OPCML: variants seen among roughly 807,000 people sequenced by gnomAD.
OPCML encodes the protein opioid binding protein/cell adhesion molecule like.
A neutral mutation model predicts 37.8 loss-of-function variants in OPCML; 13 were observed. That is an observed-to-expected ratio of 0.34 (90% confidence interval 0.22 to 0.55). The LOEUF (loss-of-function observed/expected upper bound fraction) is 0.55. Among genes scored for constraint, OPCML ranks in the 20% least tolerant of loss-of-function variants. The probability of loss-of-function intolerance (pLI) is 0.91; values close to 1 mark genes in which losing one functional copy is unlikely to be tolerated. For missense variants in OPCML, 341 were observed against 435.6 expected, an observed-to-expected ratio of 0.78 and a Z score of 1.93; for synonymous variants, 176 against 168.8, an observed-to-expected ratio of 1.04 and a Z score of -0.33.
At chr11:133,510,475 G>A (rs1948131358) in intron 1 of OPCML, among the ~76,000 whole-genome samples, 1 of 152,208 alleles carries the variant, frequency 6.6e-6, no homozygotes, top group Non-Finnish European at 1.5e-5. Flanking sequence ...TCCTTATGAT[G>A]CAAATCGTTT....
At chr11:132,596,787 G>A (rs981239277) in intron 3 of OPCML, among the ~76,000 whole-genome samples, 2 of 152,188 alleles carry the variant, frequency 1.3e-5, no homozygotes, top group African/African-American at 2.4e-5. Context: ...GGTTGAAAAA[G>A]TAGAGCAAAA....
chr11:133,470,841 T>A (rs918865965), intron 1 of OPCML, among the ~76,000 whole-genome samples: 1 of 152,230 alleles, frequency 6.6e-6, no homozygotes, highest in Non-Finnish European at 1.5e-5. Flanking sequence ...TTTCCAGAGA[T>A]GCTTAAGAAG....
chr11:132,681,365 G>A (rs1205297033), intron 2 of OPCML, among the ~76,000 whole-genome samples: 1 of 152,202 alleles, frequency 6.6e-6, no homozygotes, highest in Non-Finnish European at 1.5e-5. Flanking sequence ...GAGCAGAGAA[G>A]GGGAGAAGAG....
At chr11:132,665,797 GAAATAA>G (rs1205467330) in intron 2 of OPCML, among the ~76,000 whole-genome samples, 2 of 152,094 alleles carry the variant, frequency 1.3e-5, no homozygotes, top group African/African-American at 2.4e-5. Flanking sequence ...AGGCAAGGTT[GAAATAA>G]AAATAACAAC....
intron 1 of OPCML, chr11:133,007,863 A>T (rs1202955349): frequency 1.0e-6 from 1 of 985,446 alleles, no homozygotes; most frequent in Non-Finnish European, 1.2e-6. Flanking sequence ...TTAGAACAAA[A>T]GATTGTGGGG....
chr11:132,614,930 T>A (rs1236431460), intron 3 of OPCML, among the ~76,000 whole-genome samples: 1 of 152,248 alleles, frequency 6.6e-6, no homozygotes, highest in Non-Finnish European at 1.5e-5. Context: ...GCCACTGTAC[T>A]GCCTGACAGT....
chr11:133,029,862 T>TAA (rs1418880432), intron 1 of OPCML, among the ~76,000 whole-genome samples: 6 of 2,314 alleles, frequency 2.6e-3, no homozygotes, highest in East Asian at 0.048. Context: ...AATCTAAAAT[T>TAA]TAAAAAAAAA....
At chr11:133,172,626 C>T (rs568108893) in intron 1 of OPCML, among the ~76,000 whole-genome samples, 27 of 152,032 alleles carry the variant, frequency 1.8e-4, no homozygotes, top group Non-Finnish European at 3.2e-4. Context: ...TAGACAGTGG[C>T]GACACAGTCA....
chr11:133,069,007 T>C (rs868364500), intron 1 of OPCML, among the ~76,000 whole-genome samples: 2 of 152,250 alleles, frequency 1.3e-5, no homozygotes, highest in Middle Eastern at 3.4e-3. Context: ...ACATCATAAT[T>C]TGGAGCTAGA....
At chr11:132,748,377 C>T (rs1310114315) in intron 2 of OPCML, among the ~76,000 whole-genome samples, 1 of 152,148 alleles carries the variant, frequency 6.6e-6, no homozygotes, top group Non-Finnish European at 1.5e-5. Context: ...AGCTCCTGTT[C>T]TAGGGGCTAG....
At chr11:132,570,521 T>C (rs971858703) in intron 3 of OPCML, among the ~76,000 whole-genome samples, 5 of 151,824 alleles carry the variant, frequency 3.3e-5, no homozygotes, top group Admixed American at 2.6e-4. Context: ...CAGACTAAAA[T>C]ACTTAAAGGT....
At chr11:133,273,436 C>A (rs73029343) in intron 1 of OPCML, among the ~76,000 whole-genome samples, 6 of 152,278 alleles carry the variant, frequency 3.9e-5, no homozygotes, top group Non-Finnish European at 8.8e-5. Context: ...AGCTGAGGAA[C>A]TGACCCCACA....
intron 1 of OPCML, among the ~76,000 whole-genome samples, chr11:133,307,887 C>T (rs1375464122): frequency 1.3e-5 from 2 of 151,858 alleles, no homozygotes; most frequent in Non-Finnish European, 2.9e-5. Flanking sequence ...AGCAAGTTAT[C>T]ACTGACTTAC....
chr11:132,485,944 C>T (rs1201851114), intron 4 of OPCML, among the ~76,000 whole-genome samples: 6 of 152,176 alleles, frequency 3.9e-5, no homozygotes, highest in African/African-American at 1.4e-4. Flanking sequence ...AGGTGTGTGG[C>T]TAGCCTCTGA....
chr11:133,149,041 C>G (rs1181439626), intron 1 of OPCML, among the ~76,000 whole-genome samples: 1 of 152,158 alleles, frequency 6.6e-6, no homozygotes, highest in East Asian at 1.9e-4. Context: ...TCTTCCCCTC[C>G]TTCCTTGAAC....
At chr11:133,277,771 AAT>A (rs200550673) in intron 1 of OPCML, among the ~76,000 whole-genome samples, 2 of 151,664 alleles carry the variant, frequency 1.3e-5, no homozygotes, top group African/African-American at 2.4e-5. Context: ...CAGGTGCTTA[AAT>A]ATATATATAT....
intron 1 of OPCML, among the ~76,000 whole-genome samples, chr11:133,110,695 G>A (rs915330450): frequency 3.3e-5 from 5 of 152,116 alleles, no homozygotes; most frequent in African/African-American, 9.7e-5. Flanking sequence ...AGCCTCAAAC[G>A]CAGTAGCTCC....
intron 1 of OPCML, among the ~76,000 whole-genome samples, chr11:133,245,188 G>C (rs1238435513): frequency 6.6e-6 from 1 of 152,210 alleles, no homozygotes; most frequent in African/African-American, 2.4e-5. Flanking sequence ...ACAACGTGCA[G>C]CCTTACTCTC....
chr11:133,056,825 T>C (rs986162535), intron 1 of OPCML, among the ~76,000 whole-genome samples: 1 of 152,198 alleles, frequency 6.6e-6, no homozygotes, highest in African/African-American at 2.4e-5. Flanking sequence ...GGAGAGACAT[T>C]AGGTGGCTTA....
Sources: gnomAD v4.1 joint callset for allele counts (sites outside exome capture counted in the v4.1 genomes callset) on GRCh38, gnomAD v4.1.1 for gene constraint, MANE v1.5 for transcripts, NCBI Gene and HGNC (gene_info 2026-07-23, HGNC 2026-07-21) for gene names.